Variants in FGF14 observed in about 807,000 individuals in gnomAD.
The protein encoded by FGF14 is fibroblast growth factor homologous factor 4.
FGF14 carries 5 observed loss-of-function variants against 25.5 expected under a neutral mutation model. The ratio of observed to expected loss-of-function variants is 0.20; its 90% CI spans 0.10 to 0.41. The LOEUF is 0.41. Ranked by LOEUF, FGF14 falls within the 10% of genes least tolerant of loss-of-function variation. The pLI, the probability that FGF14 is intolerant of heterozygous loss-of-function variation, is 1.00. For synonymous variants in FGF14, 138 were observed against 118.3 expected (o/e 1.17, Z -1.08); for missense variants, 222 against 320.1 (o/e 0.69, Z 2.34).
At chr13:102,071,323 A>G (rs2043144687) in intron 1 of FGF14, among the ~76,000 whole-genome samples, 1 of 152,176 alleles carries the variant, frequency 6.6e-6, no homozygotes, top group Non-Finnish European at 1.5e-5. Context: ...TTTTTTCATT[A>G]TACATATAAA....
intron 1 of FGF14, among the ~76,000 whole-genome samples, chr13:101,980,470 T>C (rs2038182182): frequency 6.6e-6 from 1 of 152,180 alleles, no homozygotes; most frequent in African/African-American, 2.4e-5. Context: ...AAAATGATAA[T>C]ATTTAAACTA....
At chr13:102,201,549 G>A (rs1434985598) in intron 1 of FGF14, among the ~76,000 whole-genome samples, 1 of 152,066 alleles carries the variant, frequency 6.6e-6, no homozygotes. Flanking sequence ...TCGTCTCCAG[G>A]GCAGATAATG....
chr13:102,301,053 C>A (rs974499782), intron 1 of FGF14, among the ~76,000 whole-genome samples: 3 of 151,914 alleles, frequency 2.0e-5, no homozygotes, highest in Middle Eastern at 3.4e-3. Context: ...ATCTTTTTTT[C>A]ATCTTCTAGG....
intron 1 of FGF14, among the ~76,000 whole-genome samples, chr13:102,044,615 T>G (rs1363986910): frequency 6.6e-6 from 1 of 152,144 alleles, no homozygotes; most frequent in Non-Finnish European, 1.5e-5. Context: ...AAACACAGTT[T>G]AAAAACTGCC....
chr13:102,241,419 T>G (rs2141029048), intron 1 of FGF14, among the ~76,000 whole-genome samples: 1 of 152,256 alleles, frequency 6.6e-6, no homozygotes, highest in East Asian at 1.9e-4. Flanking sequence ...ATACAATCCA[T>G]GTGGCCAAAC....
chr13:102,392,423 T>C (rs1439177899), intron 1 of FGF14, among the ~76,000 whole-genome samples: 1 of 152,208 alleles, frequency 6.6e-6, no homozygotes, highest in Non-Finnish European at 1.5e-5. Flanking sequence ...ATATCTTTAT[T>C]GTAAAGCATT....
intron 3 of FGF14, among the ~76,000 whole-genome samples, chr13:101,858,311 A>G (rs994876308): frequency 1.3e-5 from 2 of 151,702 alleles, no homozygotes; most frequent in African/African-American, 2.4e-5. Context: ...ACATGTGTGT[A>G]TAATTTTTAA....
chr13:101,874,651 A>G (rs1188392696), intron 2 of FGF14, among the ~76,000 whole-genome samples: 1 of 152,138 alleles, frequency 6.6e-6, no homozygotes, highest in Non-Finnish European at 1.5e-5. Context: ...TTCTGCAAAC[A>G]CTTTGCACAA....
intron 1 of FGF14, among the ~76,000 whole-genome samples, chr13:102,252,120 A>C (rs1244591492): frequency 6.6e-6 from 1 of 152,212 alleles, no homozygotes; most frequent in African/African-American, 2.4e-5. Context: ...GGCATTATGC[A>C]CATTTTGCAA....
At chr13:101,866,320 G>A (rs2044704452) in intron 3 of FGF14, among the ~76,000 whole-genome samples, 1 of 151,976 alleles carries the variant, frequency 6.6e-6, no homozygotes, top group African/African-American at 2.4e-5. Context: ...ATGAAAAAAT[G>A]TCTGGCACAT....
At chr13:102,259,206 C>G (rs1447316506) in intron 1 of FGF14, among the ~76,000 whole-genome samples, 3 of 152,158 alleles carry the variant, frequency 2.0e-5, no homozygotes, top group South Asian at 2.1e-4. Flanking sequence ...GCATGGGGCT[C>G]TGGCCTCAGC....
At chr13:102,162,396 A>C (rs2047816230) in intron 1 of FGF14, among the ~76,000 whole-genome samples, 2 of 152,216 alleles carry the variant, frequency 1.3e-5, no homozygotes, top group Non-Finnish European at 2.9e-5. Flanking sequence ...TATGAAGCCC[A>C]CAGAGCAAAT....
intron 1 of FGF14, among the ~76,000 whole-genome samples, chr13:102,392,344 A>G (rs770345368): frequency 6.6e-5 from 10 of 152,226 alleles, no homozygotes; most frequent in Non-Finnish European, 1.2e-4. Flanking sequence ...TGAACAAAGT[A>G]TTGTGTCCAT....
intron 1 of FGF14, among the ~76,000 whole-genome samples, chr13:101,985,118 T>A (rs61966473): frequency 0.023 from 3,499 of 151,054 alleles, 46 homozygotes; most frequent in Middle Eastern, 0.052. Flanking sequence ...CAAAAAATTA[T>A]CTCAGAAATT....
In FGF14 at chr13:101,726,681, G is replaced by T. The variant is rs748513421; in HGVS notation, c.538C>A (p.Gln180Lys). Residue 180 changes from glutamine to lysine, a missense_variant, in exon 4 of 5, where the codon CAA (glutamine) becomes AAA (lysine). Physicochemically the swap from Gln to Lys is moderately conservative, Grantham distance 53. Around this residue, in one of 5 missense-constraint regions of FGF14, gnomAD observed 66 missense variants for 90.3 expected, o/e 0.73. Transcript: ENST00000376143. ...AWFLGLNKEG[Q>K]AMKGNRVKKT... ...TTTACTCTGTTCCCTTTCATAGCTT[G>T]CCCTTCCTTATTTAATCCCAAAAAC... 1.2e-6 allele frequency: 2 copies of T among 1,613,338 alleles called. No individual in the cohort carries two copies. Among genetic ancestry groups the T allele is most frequent in the African/African-American group, 2.7e-5 (2 of 74,868 alleles).
chr13:102,045,653 G>A (rs2041949283), intron 1 of FGF14, among the ~76,000 whole-genome samples: 1 of 152,162 alleles, frequency 6.6e-6, no homozygotes, highest in Non-Finnish European at 1.5e-5. Flanking sequence ...CAAATTGTAT[G>A]TATCTGGTTC....
chr13:102,253,758 T>C (rs1482673542), intron 1 of FGF14, among the ~76,000 whole-genome samples: 1 of 152,232 alleles, frequency 6.6e-6, no homozygotes, highest in African/African-American at 2.4e-5. Context: ...TGTGGTTAGT[T>C]GAATTGGGAT....
In FGF14 at chr13:101,715,452, A is replaced by AC. The variant is rs2034674872; in HGVS notation, c.*7378dup. 2.5e-6 allele frequency: 2 copies of AC among 794,724 alleles called. No individual in the cohort carries two copies. Among genetic ancestry groups the AC allele is most frequent in the Non-Finnish European group, 4.4e-6 (2 of 453,306 alleles). The allele number at this position is 794,724 out of a possible 1,614,324, so 49.2% of individuals were successfully genotyped here. The stretch of plus-strand genomic sequence containing the variant: ...ACATCATTGCACAATAAGAAAATCT[A>AC]CCAAGGATGAATGAAATGATTTCAT... On this transcript the variant is annotated 3_prime_UTR_variant, in exon 5 of 5. Coordinates refer to ENST00000376143, the MANE Select transcript of FGF14 (RefSeq NM_004115.4).
intron 3 of FGF14, among the ~76,000 whole-genome samples, chr13:101,736,154 T>C (rs1190421654): frequency 1.3e-5 from 2 of 152,190 alleles, no homozygotes; most frequent in African/African-American, 4.8e-5. Context: ...TATACTTTCA[T>C]TGTAACACAA....
Sources: gnomAD v4.1 joint callset for allele counts (sites outside exome capture counted in the v4.1 genomes callset) on GRCh38, gnomAD v4.1.1 for gene constraint, gnomAD v4.1.1 regional missense constraint, MANE v1.5 for transcripts, NCBI Gene and HGNC (gene_info 2026-07-23, HGNC 2026-07-21) for gene names.